PECR: variants seen among roughly 807,000 people sequenced by gnomAD.
The protein encoded by PECR is peroxisomal trans-2-enoyl-CoA reductase, also known as 2,4-dienoyl-CoA reductase-related protein.
Under a neutral mutation model 35.3 loss-of-function variants are expected in PECR, and 30 were observed. The ratio of observed to expected loss-of-function variants is 0.85; its 90% CI spans 0.64 to 1.15. The LOEUF is 1.15. PECR is among the 50% of genes most tolerant of loss of function. The pLI is 0.00. For missense variants in PECR, 392 were observed against 370.8 expected (o/e 1.06, Z -0.47); for synonymous variants, 148 against 138.9 (o/e 1.07, Z -0.46).
chr2:216,034,123 A>G (rs962723070), downstream of PECR: 3 of 152,254 alleles, frequency 2.0e-5, no homozygotes, highest in African/African-American at 4.8e-5. Flanking sequence ...TTGCATCCTA[A>G]GAAGCCACTG....
chr2:216,063,293 T>C (rs112850813), intron 3 of PECR, among the ~76,000 whole-genome samples: 13 of 152,326 alleles, frequency 8.5e-5, no homozygotes, highest in Admixed American at 7.8e-4. Flanking sequence ...AATATTTACA[T>C]GGTTTTCAGT....
chr2:216,037,660 G>C (rs1694816382), downstream of PECR, among the ~76,000 whole-genome samples: 1 of 152,116 alleles, frequency 6.6e-6, no homozygotes, highest in African/African-American at 2.4e-5. Flanking sequence ...ATGGAGAATA[G>C]CTCCTTAAAT....
At chr2:216,034,877 C>A (rs1694768913), downstream of PECR, among the ~76,000 whole-genome samples, 3 of 152,194 alleles carry the variant, frequency 2.0e-5, no homozygotes, top group Non-Finnish European at 4.4e-5. Context: ...GACTTCATCA[C>A]CGGCCAGCCC....
At chr2:216,042,671 G>A (rs549298877) in intron 7 of PECR, among the ~76,000 whole-genome samples, 6 of 152,126 alleles carry the variant, frequency 3.9e-5, no homozygotes, top group South Asian at 4.1e-4. Flanking sequence ...CCTTCAAACC[G>A]CAAAGTTCTG....
chr2:216,048,056 C>A (rs1695029525), intron 6 of PECR, among the ~76,000 whole-genome samples: 1 of 149,694 alleles, frequency 6.7e-6, no homozygotes, highest in Non-Finnish European at 1.5e-5. Flanking sequence ...GGAAAGACAT[C>A]CTTTTCTTTT....
At chr2:216,056,725 A>G (rs1695233099) in intron 4 of PECR, among the ~76,000 whole-genome samples, 1 of 144,452 alleles carries the variant, frequency 6.9e-6, no homozygotes, top group South Asian at 2.2e-4. Flanking sequence ...CCATCTCAGA[A>G]AAAAAAAAAA....
At chr2:216,045,901 G>C (rs904335242) in intron 6 of PECR, among the ~76,000 whole-genome samples, 3 of 152,184 alleles carry the variant, frequency 2.0e-5, no homozygotes, top group African/African-American at 7.2e-5. Context: ...AAACCGGCCA[G>C]ACGCGGTGGC....
chr2:216,035,805 C>G (rs10178909), downstream of PECR, among the ~76,000 whole-genome samples: 20,728 of 152,062 alleles, frequency 0.14, 1,724 homozygotes, highest in South Asian at 0.22. Context: ...TCTTTGAGCT[C>G]TCAGTCTTAG....
At chr2:216,046,310 A>ATATATATATTTTTT (rs1553560626) in intron 6 of PECR, among the ~76,000 whole-genome samples, 5 of 96,960 alleles carry the variant, frequency 5.2e-5, no homozygotes, top group African/African-American at 2.3e-4. Flanking sequence ...ATATATATAT[A>ATATATATATTTTTT]TTTTTTTTTT....
chr2:216,075,673 G>A (rs1390357422), intron 1 of PECR, among the ~76,000 whole-genome samples: 1 of 152,214 alleles, frequency 6.6e-6, no homozygotes, highest in Non-Finnish European at 1.5e-5. Context: ...TGGATAAGGA[G>A]TTCTTTCAAC....
chr2:216,039,552 T>G (rs1043588117), intron 7 of PECR, among the ~76,000 whole-genome samples, 192 bp from the exon 8 acceptor site: 4 of 152,248 alleles, frequency 2.6e-5, no homozygotes, highest in African/African-American at 9.6e-5. Context: ...TTCCTGAATT[T>G]GGGCACATGT....
chr2:216,032,416 T>C (rs7600247), intron 7 of PECR, among the ~76,000 whole-genome samples: 50,034 of 152,134 alleles, frequency 0.33, 8,497 homozygotes, highest in Admixed American at 0.41. Context: ...TATAGAATAA[T>C]TGGATGACAT....
At chr2:216,029,623 A>C (rs1404368168) in intron 7 of PECR, among the ~76,000 whole-genome samples, 1 of 152,226 alleles carries the variant, frequency 6.6e-6, no homozygotes, top group Admixed American at 6.5e-5. Flanking sequence ...CTCTTTCCAG[A>C]GTTCTCAAAA....
rs1175583896 is a variant in PECR, at chr2:216,039,154, T to A, written c.*121A>T. The A allele has an allele frequency of 7.2e-6, 5 of 690,892 alleles. No homozygotes were observed. The highest frequency in any genetic ancestry group is 1.3e-5 in the Non-Finnish European group (5 of 376,958). The allele number at this position is 690,892 out of a possible 1,614,324, so 42.8% of individuals were successfully genotyped here. ...GGAATAGTTTTTCCATAGATATAAT[T>A]AATAACACTTAAAAATAAGAAAAAT... On this transcript the variant is annotated 3_prime_UTR_variant, in exon 8 of 8. Coordinates refer to ENST00000265322, the MANE Select transcript of PECR (RefSeq NM_018441.6).
At chr2:216,032,222 C>G (rs16855293) in intron 7 of PECR, among the ~76,000 whole-genome samples, 7,228 of 152,272 alleles carry the variant, frequency 0.047, 209 homozygotes, top group Middle Eastern at 0.085. Context: ...CTTAGAACTA[C>G]AAACTCTGAC....
At chr2:216,049,452 C>A (rs1345906190) in intron 5 of PECR, 79 bp from the exon 6 acceptor site, 3 of 680,858 alleles carry the variant, frequency 4.4e-6, no homozygotes, top group Non-Finnish European at 5.2e-6. Context: ...AGATACTCTA[C>A]TGGCATTTCA....
intron 6 of PECR, among the ~76,000 whole-genome samples, chr2:216,045,893 A>T (rs531647016): frequency 1.7e-4 from 26 of 152,178 alleles, no homozygotes; most frequent in Admixed American, 1.4e-3. Flanking sequence ...AACACAAAAA[A>T]CCGGCCAGAC....
chr2:216,046,323 T>TGTTTTGTTTTG (rs1559209256), intron 6 of PECR, among the ~76,000 whole-genome samples: 4 of 140,222 alleles, frequency 2.9e-5, no homozygotes, highest in African/African-American at 1.1e-4. Context: ...TTTTTTTTTT[T>TGTTTTGTTTTG]TTTTTTTGAG....
At chr2:216,034,054 T>C (rs1694753597), downstream of PECR, 1 of 152,044 alleles carries the variant, frequency 6.6e-6, no homozygotes, top group African/African-American at 2.4e-5. Context: ...AAACAAGGAG[T>C]GCAGAAGAAA....
Sources: allele counts gnomAD v4.1 joint callset (sites outside exome capture counted in the v4.1 genomes callset), GRCh38; gene constraint gnomAD v4.1.1; transcripts MANE v1.5; gene names NCBI Gene and HGNC (gene_info 2026-07-23, HGNC 2026-07-21).